PCDHGA3: variants seen among roughly 807,000 people sequenced by gnomAD.
PCDHGA3 encodes protocadherin gamma-A3.
In PCDHGA3, 40 loss-of-function variants were observed where a neutral mutation model predicts 58.5. The ratio of observed to expected loss-of-function variants is 0.68; its 90% CI spans 0.53 to 0.89. The LOEUF is 0.89. Ranked by LOEUF, PCDHGA3 falls within the 40% of genes least tolerant of loss-of-function variation. The pLI, the probability that PCDHGA3 is intolerant of heterozygous loss-of-function variation, is 0.00. For synonymous variants in PCDHGA3, 530 were observed against 525.7 expected (o/e 1.01, Z -0.11); for missense variants, 1,223 against 1,195.9 (o/e 1.02, Z -0.33).
intron 1 of PCDHGA3, among the ~76,000 whole-genome samples, chr5:141,406,485 G>T (rs2094815755): frequency 6.6e-6 from 1 of 152,142 alleles, no homozygotes; most frequent in Non-Finnish European, 1.5e-5. Flanking sequence ...ATATTTTTCA[G>T]ATCACAAGTG....
At chr5:141,347,679 T>C in intron 1 of PCDHGA3, among the ~76,000 whole-genome samples, 1 of 150,896 alleles carries the variant, frequency 6.6e-6, no homozygotes, top group African/African-American at 2.4e-5. Flanking sequence ...CCAAGCTACT[T>C]GGGAAGCTGA....
At chr5:141,413,950 T>C (rs1448967281) in intron 1 of PCDHGA3, 1 of 1,613,264 alleles carries the variant, frequency 6.2e-7, no homozygotes. Context: ...TCCTGAGAAT[T>C]TGCCTGTGGG....
intron 1 of PCDHGA3, chr5:141,403,280 G>GT: frequency 6.2e-7 from 1 of 1,613,894 alleles, no homozygotes; most frequent in Non-Finnish European, 8.5e-7. Flanking sequence ...TAAAGTCCTG[G>GT]TTGAAGACAG....
chr5:141,505,041 C>T (rs1028101225), intron 2 of PCDHGA3, among the ~76,000 whole-genome samples: 4 of 152,142 alleles, frequency 2.6e-5, no homozygotes, highest in African/African-American at 9.7e-5. Flanking sequence ...AGGTGCCTGT[C>T]ATCCCAGCTA....
chr5:141,460,981 G>GTA (rs1491204135), intron 1 of PCDHGA3, among the ~76,000 whole-genome samples: 1,658 of 121,856 alleles, frequency 0.014, 27 homozygotes, highest in African/African-American at 0.051. Flanking sequence ...GTGTGTGTGT[G>GTA]TGTATATATA....
At position 141,431,513 on chromosome 5, in the gene PCDHGA3, C is replaced by A. The variant is rs1468442248; in HGVS notation, c.2425-63294C>A. ...TCAGCCCGAGTACCGCGCGAGCGTT[C>A]CGGAGAATCTGGCCTTGGGCACGCA... is the stretch of plus-strand genomic sequence containing the variant. On this transcript the variant is annotated intron_variant, in intron 1 of 3. Transcript: ENST00000253812. The surrounding 1 kb of genome is among the most constrained non-coding windows in gnomAD (Gnocchi z 4.8). 1 of 1,614,022 alleles carries A rather than the reference C, an allele frequency of 6.2e-7. No individual in the cohort carries two copies. The highest frequency in any genetic ancestry group is 1.7e-5 in the Admixed American group (1 of 60,032).
intron 1 of PCDHGA3, chr5:141,404,899 T>C (rs768489392): frequency 6.2e-7 from 1 of 1,613,718 alleles, no homozygotes; most frequent in East Asian, 2.2e-5. Flanking sequence ...TACAGGACCA[T>C]GGCCAGCCCC....
intron 1 of PCDHGA3, chr5:141,364,699 A>G (rs1465164729): frequency 1.2e-6 from 2 of 1,613,874 alleles, no homozygotes; most frequent in Non-Finnish European, 1.7e-6. Flanking sequence ...AAGTAGAAAT[A>G]ATCGATATTA....
At chr5:141,413,524 A>G (rs772774054) in intron 1 of PCDHGA3, 7 of 1,613,974 alleles carry the variant, frequency 4.3e-6, no homozygotes, top group Non-Finnish European at 5.9e-6. Flanking sequence ...TGTGGAAGAC[A>G]GGGTGAAACT....
chr5:141,481,475 C>T (rs1423011632), intron 1 of PCDHGA3, among the ~76,000 whole-genome samples: 1 of 152,200 alleles, frequency 6.6e-6, no homozygotes, highest in Non-Finnish European at 1.5e-5. Context: ...TTGGATTATA[C>T]ACTTTAAATA....
At position 141,486,543 on chromosome 5, in the gene PCDHGA3, A is replaced by G; in HGVS notation, c.2425-8264A>G. Reference sequence around the variant, plus strand: ...AATGATAATCCACCCTCTTTCTTTCAGAGGTCACATGAGGTGTTTGTTCCT... The same window carrying G: ...AATGATAATCCACCCTCTTTCTTTCGGAGGTCACATGAGGTGTTTGTTCCT... On this transcript the variant is annotated intron_variant, in intron 1 of 3. Transcript: ENST00000253812. This position sits in a 1 kb window ranked among gnomAD's most constrained non-coding sequence, Gnocchi z 5.0. 6.2e-7 allele frequency: 1 copy of G among 1,614,080 alleles called. No individual in the cohort carries two copies. Among genetic ancestry groups the G allele is most frequent in the Non-Finnish European group, 8.5e-7 (1 of 1,180,020 alleles).
chr5:141,361,508 T>A (rs1762052738), intron 1 of PCDHGA3: 1 of 1,613,910 alleles, frequency 6.2e-7, no homozygotes, highest in Admixed American at 1.7e-5. Context: ...ACTTCCTACA[T>A]GGTTCACGTG....
chr5:141,438,054 T>C (rs1451843979), intron 1 of PCDHGA3, among the ~76,000 whole-genome samples: 2 of 152,182 alleles, frequency 1.3e-5, no homozygotes, highest in African/African-American at 4.8e-5. Flanking sequence ...TTGAGTTCAC[T>C]TTTAAGAAAC....
In PCDHGA3 at chr5:141,432,596, G is replaced by T; in HGVS notation, c.2425-62211G>T. On this transcript the variant is annotated intron_variant, in intron 1 of 3. Transcript: ENST00000253812. This position sits in a 1 kb window ranked among gnomAD's most constrained non-coding sequence, Gnocchi z 6.0. The stretch of plus-strand genomic sequence containing the variant: ...GTCCTACCGTCTGCTCAAGGCCAGC[G>T]AGCCGGGACTCTTCTCGGTGGGTCT... 6.8e-6 allele frequency: 11 copies of T among 1,613,926 alleles called. No individual in the cohort carries two copies. The highest frequency in any genetic ancestry group is 9.3e-6 in the Non-Finnish European group (11 of 1,179,972).
chr5:141,457,336 C>T (rs1032184011), intron 1 of PCDHGA3, among the ~76,000 whole-genome samples: 6 of 152,158 alleles, frequency 3.9e-5, no homozygotes, highest in Admixed American at 3.3e-4. Context: ...AGGTACCTTA[C>T]TTACTTTCAT....
At chr5:141,365,639 C>T (rs1764033148) in intron 1 of PCDHGA3, 2 of 1,613,492 alleles carry the variant, frequency 1.2e-6, no homozygotes, top group Admixed American at 3.3e-5. Context: ...TACAGAAAGC[C>T]ACATCCCCTT....
chr5:141,418,497 CCG>C, intron 1 of PCDHGA3: 1 of 1,613,994 alleles, frequency 6.2e-7, no homozygotes, highest in Non-Finnish European at 8.5e-7. Flanking sequence ...TTGGTACTGA[CCG>C]CCTTAGATGG....
At chr5:141,492,132 C>A (rs1289132641) in intron 1 of PCDHGA3, among the ~76,000 whole-genome samples, 3 of 152,220 alleles carry the variant, frequency 2.0e-5, no homozygotes, top group African/African-American at 4.8e-5. Context: ...CAGCTCCCAG[C>A]ATCTGTGACT....
rs777670481 is a variant in PCDHGA3, at chr5:141,385,026, C to T, written c.2424+38569C>T. 2.5e-6 allele frequency: 4 copies of T among 1,614,190 alleles called. No homozygotes were observed. The East Asian group carries it at 6.7e-5, about 27-fold the overall frequency. On this transcript the variant is annotated intron_variant, in intron 1 of 3. Coordinates refer to ENST00000253812, the MANE Select transcript of PCDHGA3 (RefSeq NM_018916.4). Reference sequence around the variant, plus strand: ...CCTGCGTCTTCCTAGCCTTCGTCCTCGTACTGCTGGCGCTCAGGCTGCGGC... The same window carrying T: ...CCTGCGTCTTCCTAGCCTTCGTCCTTGTACTGCTGGCGCTCAGGCTGCGGC...
Sources: gnomAD v4.1 joint callset for allele counts (sites outside exome capture counted in the v4.1 genomes callset) on GRCh38, gnomAD v4.1.1 for gene constraint, Gnocchi (gnomAD v3.1) non-coding constraint, MANE v1.5 for transcripts, NCBI Gene and HGNC (gene_info 2026-07-23, HGNC 2026-07-21) for gene names.